Variants in LRRTM4 observed in about 807,000 individuals in gnomAD.
The protein encoded by LRRTM4 is leucine rich repeat transmembrane neuronal 4.
Under a neutral mutation model 47.6 loss-of-function variants are expected in LRRTM4, and 25 were observed. That is an observed-to-expected ratio of 0.53 (90% CI 0.38 to 0.73). LRRTM4 has a LOEUF of 0.73. Among genes scored for constraint, LRRTM4 ranks in the 30% least tolerant of loss-of-function variants. The probability of loss-of-function intolerance (pLI) is 0.00; values close to 1 mark genes in which losing one functional copy is unlikely to be tolerated. For missense variants in LRRTM4, 638 were observed against 713.4 expected (o/e 0.89, Z 1.20); for synonymous variants, 311 against 269.5 (o/e 1.15, Z -1.51).
intron 3 of LRRTM4, chr2:76,987,258 T>G (rs1676833849): frequency 6.6e-6 from 1 of 151,924 alleles, no homozygotes; most frequent in Non-Finnish European, 1.5e-5. Flanking sequence ...ATGCTAGCAC[T>G]TATAACATGC....
intron 3 of LRRTM4, among the ~76,000 whole-genome samples, chr2:76,872,032 A>G (rs1295767627): frequency 6.6e-6 from 1 of 152,192 alleles, no homozygotes; most frequent in African/African-American, 2.4e-5. Flanking sequence ...TAGCTAAGCC[A>G]TGTCTGGTCT....
intron 3 of LRRTM4, among the ~76,000 whole-genome samples, chr2:77,255,420 A>T (rs1489952738): frequency 2.6e-5 from 4 of 151,986 alleles, no homozygotes; most frequent in African/African-American, 9.7e-5. Context: ...AAACTACAGG[A>T]TCTACTTGAT....
At chr2:77,112,058 T>G (rs145708366) in intron 3 of LRRTM4, among the ~76,000 whole-genome samples, 66 of 152,284 alleles carry the variant, frequency 4.3e-4, no homozygotes, top group African/African-American at 1.5e-3. Flanking sequence ...CTTACATGTG[T>G]AATTTAGAAA....
At chr2:76,954,773 C>G (rs75313601) in intron 3 of LRRTM4, among the ~76,000 whole-genome samples, 7,336 of 151,736 alleles carry the variant, frequency 0.048, 392 homozygotes, top group East Asian at 0.14. Flanking sequence ...ATAATGAAAA[C>G]AATTTCTAAG....
chr2:77,209,456 T>G (rs1028999120), intron 3 of LRRTM4, among the ~76,000 whole-genome samples: 1 of 151,972 alleles, frequency 6.6e-6, no homozygotes, highest in Non-Finnish European at 1.5e-5. Flanking sequence ...ACCAACCAAT[T>G]TATACCAGTC....
intron 3 of LRRTM4, among the ~76,000 whole-genome samples, chr2:77,149,592 G>A (rs1672361587): frequency 6.6e-6 from 1 of 152,122 alleles, no homozygotes; most frequent in Admixed American, 6.6e-5. Flanking sequence ...CTTTGTCAAG[G>A]GGCATAAAAA....
Position 77,088,611 on chromosome 2 carries a change from A to G in LRRTM4, c.1552-339695T>C, listed in dbSNP as rs567205803. On this transcript the variant is annotated intron_variant, in intron 3 of 3. Coordinates refer to ENST00000409884, the MANE Select transcript of LRRTM4 (RefSeq NM_001134745.3). ...GACTCAGCCCGCCTGCACCCAGGTG[A>G]AATAAACAGCCATGTTGCTCACACA... Among the ~76,000 whole-genome samples, 382 of 152,258 alleles carry G rather than the reference A, an allele frequency of 2.5e-3. 6 individuals carry two copies. The highest frequency in any genetic ancestry group is 0.014 in the Middle Eastern group (4 of 294).
At chr2:77,025,279 G>T (rs1230449002) in intron 3 of LRRTM4, among the ~76,000 whole-genome samples, 1 of 152,078 alleles carries the variant, frequency 6.6e-6, no homozygotes. Flanking sequence ...GTTGATTTAC[G>T]ACTACAAAAT....
chr2:77,386,078 T>C (rs971137567), intron 3 of LRRTM4, among the ~76,000 whole-genome samples: 5 of 152,024 alleles, frequency 3.3e-5, no homozygotes, highest in Non-Finnish European at 7.4e-5. Context: ...TTTTAGCAGT[T>C]CTGAAATAAA....
chr2:76,798,758 A>T (rs1573125778), intron 3 of LRRTM4, among the ~76,000 whole-genome samples: 2 of 150,884 alleles, frequency 1.3e-5, no homozygotes, highest in African/African-American at 4.8e-5. Flanking sequence ...ATAAAAAATG[A>T]TAAAGGGGAT....
At chr2:77,296,763 C>T (rs1310505927) in intron 3 of LRRTM4, among the ~76,000 whole-genome samples, 4 of 152,230 alleles carry the variant, frequency 2.6e-5, no homozygotes, top group Admixed American at 6.5e-5. Context: ...ACCAGCCACA[C>T]CTCCTTCTTA....
intron 3 of LRRTM4, among the ~76,000 whole-genome samples, chr2:76,946,033 G>T (rs959961299): frequency 1.7e-4 from 26 of 151,524 alleles, no homozygotes; most frequent in Non-Finnish European, 2.4e-4. Flanking sequence ...TATCACTAAA[G>T]TATAGCATTT....
intron 3 of LRRTM4, among the ~76,000 whole-genome samples, chr2:76,921,225 C>T (rs116241766): frequency 6.6e-6 from 1 of 152,046 alleles, no homozygotes; most frequent in Non-Finnish European, 1.5e-5. Context: ...TTAAGGAGCA[C>T]TGGTCAAGTA....
chr2:77,444,124 A>T (rs1173086029), intron 3 of LRRTM4, among the ~76,000 whole-genome samples: 1 of 152,118 alleles, frequency 6.6e-6, no homozygotes, highest in African/African-American at 2.4e-5. Context: ...AAATTCAGGA[A>T]TTCTTAGGAA....
At chr2:77,430,016 C>A (rs1675300112) in intron 3 of LRRTM4, among the ~76,000 whole-genome samples, 1 of 151,620 alleles carries the variant, frequency 6.6e-6, no homozygotes, top group Admixed American at 6.6e-5. Context: ...CAGTGAGCTG[C>A]AATTCTGCCA....
intron 3 of LRRTM4, among the ~76,000 whole-genome samples, chr2:77,055,905 T>A (rs1247320098): frequency 1.3e-5 from 2 of 151,062 alleles, no homozygotes; most frequent in South Asian, 2.1e-4. Flanking sequence ...ATGGATGAAA[T>A]TGGAAATTAT....
At chr2:77,066,867 G>A (rs748632271) in intron 3 of LRRTM4, among the ~76,000 whole-genome samples, 1 of 152,224 alleles carries the variant, frequency 6.6e-6, no homozygotes, top group Non-Finnish European at 1.5e-5. Flanking sequence ...TGGTAATGTT[G>A]TGCATGTATG....
chr2:77,043,480 T>C (rs1308341329), intron 3 of LRRTM4, among the ~76,000 whole-genome samples: 3 of 151,764 alleles, frequency 2.0e-5, no homozygotes, highest in African/African-American at 7.2e-5. Flanking sequence ...CTGTAATGCT[T>C]ACACAAACAT....
chr2:77,510,243 A>T (rs1678931296), intron 3 of LRRTM4, among the ~76,000 whole-genome samples: 1 of 152,146 alleles, frequency 6.6e-6, no homozygotes, highest in South Asian at 2.1e-4. Flanking sequence ...GAGTCAGTTA[A>T]AGGAAACAAG....
Sources: gnomAD v4.1 joint callset for allele counts (sites outside exome capture counted in the v4.1 genomes callset) on GRCh38, gnomAD v4.1.1 for gene constraint, MANE v1.5 for transcripts, NCBI Gene and HGNC (gene_info 2026-07-23, HGNC 2026-07-21) for gene names.